The following FSTL5 variants were observed in gnomAD, a reference collection of about 807,000 sequenced individuals.
The protein encoded by FSTL5 is follistatin like 5.
FSTL5 carries 62 observed loss-of-function variants against 89.1 expected under a neutral mutation model. The observed-to-expected ratio is 0.70, with a 90% CI of 0.57 to 0.86. The LOEUF (loss-of-function observed/expected upper bound fraction) is 0.86. Ranked by LOEUF, FSTL5 falls within the 40% of genes least tolerant of loss-of-function variation. The pLI, the probability that FSTL5 is intolerant of heterozygous loss-of-function variation, is 0.00. For missense variants in FSTL5, 1,057 were observed against 1,001.6 expected (o/e 1.06, Z -0.75); for synonymous variants, 383 against 346.2 (o/e 1.11, Z -1.18).
intron 6 of FSTL5, among the ~76,000 whole-genome samples, chr4:161,695,738 T>C (rs1738135490): frequency 1.3e-5 from 2 of 152,246 alleles, no homozygotes; most frequent in South Asian, 2.1e-4. Context: ...TTTTTTCATA[T>C]GTTTGTTGGC....
At chr4:161,905,739 A>G (rs1733504093) in intron 4 of FSTL5, among the ~76,000 whole-genome samples, 1 of 152,112 alleles carries the variant, frequency 6.6e-6, no homozygotes, top group African/African-American at 2.4e-5. Context: ...TAAGCAGAAG[A>G]GAGGACAAAT....
At chr4:162,063,087 C>A (rs933216460) in intron 2 of FSTL5, among the ~76,000 whole-genome samples, 2 of 151,780 alleles carry the variant, frequency 1.3e-5, no homozygotes, top group Non-Finnish European at 3.0e-5. Flanking sequence ...TCTATTGTGA[C>A]ATCTTAACAT....
intron 1 of FSTL5, among the ~76,000 whole-genome samples, chr4:162,142,699 A>G (rs1561042595): frequency 1.3e-5 from 2 of 152,190 alleles, no homozygotes; most frequent in South Asian, 2.1e-4. Context: ...AAGATATAAT[A>G]TAGTTATTGA....
intron 15 of FSTL5, among the ~76,000 whole-genome samples, chr4:161,423,379 A>G (rs562078209): frequency 6.6e-6 from 1 of 150,472 alleles, no homozygotes; most frequent in African/African-American, 2.4e-5. Context: ...AAAAGTAACA[A>G]CTGACTGAGT....
chr4:162,044,180 T>C (rs1158296562), intron 2 of FSTL5, among the ~76,000 whole-genome samples: 2 of 152,184 alleles, frequency 1.3e-5, no homozygotes, highest in Non-Finnish European at 2.9e-5. Context: ...TTTTACAAAA[T>C]ATATTTCTAA....
At chr4:162,149,431 C>T (rs1212549886) in intron 1 of FSTL5, among the ~76,000 whole-genome samples, 1 of 151,486 alleles carries the variant, frequency 6.6e-6, no homozygotes, top group East Asian at 1.9e-4. Context: ...TCAAGAACAG[C>T]ATGGGCAACA....
intron 4 of FSTL5, among the ~76,000 whole-genome samples, chr4:161,876,414 C>T (rs1446555584): frequency 1.3e-5 from 2 of 152,100 alleles, no homozygotes; most frequent in Non-Finnish European, 2.9e-5. Flanking sequence ...GCACTGTATA[C>T]CTTTGTAACA....
At chr4:161,981,561 T>A (rs1360008027) in intron 3 of FSTL5, among the ~76,000 whole-genome samples, 1 of 152,142 alleles carries the variant, frequency 6.6e-6, no homozygotes, top group African/African-American at 2.4e-5. Flanking sequence ...TTCTCCCATA[T>A]TTTCCTCTTT....
chr4:161,599,776 T>G (rs1734159754), intron 7 of FSTL5, among the ~76,000 whole-genome samples: 1 of 152,138 alleles, frequency 6.6e-6, no homozygotes, highest in East Asian at 1.9e-4. Context: ...TGCTATAATT[T>G]CTTTTCTCTT....
intron 15 of FSTL5, among the ~76,000 whole-genome samples, chr4:161,440,420 A>G (rs1732720988): frequency 6.7e-6 from 1 of 148,840 alleles, no homozygotes; most frequent in Admixed American, 6.7e-5. Context: ...GCCGAAAAAG[A>G]AAAAAAAAAG....
At chr4:161,721,969 G>A (rs977413842) in intron 6 of FSTL5, among the ~76,000 whole-genome samples, 2 of 152,010 alleles carry the variant, frequency 1.3e-5, no homozygotes, top group African/African-American at 4.8e-5. Context: ...TGACACAAAG[G>A]CTATCTAGTG....
At chr4:162,065,278 T>C (rs964092044) in intron 2 of FSTL5, among the ~76,000 whole-genome samples, 5 of 151,820 alleles carry the variant, frequency 3.3e-5, no homozygotes, top group African/African-American at 1.2e-4. Context: ...ATATAATGGG[T>C]GAAAATATGT....
intron 4 of FSTL5, among the ~76,000 whole-genome samples, chr4:161,867,219 G>T (rs997557966): frequency 1.3e-5 from 2 of 151,738 alleles, no homozygotes; most frequent in Non-Finnish European, 2.9e-5. Context: ...TATTATATTT[G>T]CATGTTTACC....
Position 161,385,002 on chromosome 4 carries a change from A to G in FSTL5, c.*745T>C, listed in dbSNP as rs1730563410. ...GATTGAAAGCAAAATGAGTAGATAGATTGCAAATATTTTGACTGTAATTAT... is the reference window on the plus strand; with the variant it reads ...GATTGAAAGCAAAATGAGTAGATAGGTTGCAAATATTTTGACTGTAATTAT... On this transcript the variant is annotated 3_prime_UTR_variant, in exon 16 of 16. Coordinates refer to ENST00000306100, the MANE Select transcript of FSTL5 (RefSeq NM_020116.5). 1 of 152,146 alleles carries G rather than the reference A, an allele frequency of 6.6e-6. No individual in the cohort carries two copies. Among genetic ancestry groups the G allele is most frequent in the African/African-American group, 2.4e-5 (1 of 41,456 alleles). The allele number at this position is 152,146 out of a possible 1,614,324, so 9.4% of individuals were successfully genotyped here.
chr4:161,879,054 C>T (rs1732541306), intron 4 of FSTL5, among the ~76,000 whole-genome samples: 1 of 152,134 alleles, frequency 6.6e-6, no homozygotes, highest in African/African-American at 2.4e-5. Context: ...CTCCCAAAAG[C>T]AAACTATGTC....
At chr4:161,779,810 T>TAC (rs1741585587) in intron 4 of FSTL5, among the ~76,000 whole-genome samples, 9 of 81,660 alleles carry the variant, frequency 1.1e-4, no homozygotes, top group African/African-American at 2.1e-4. Flanking sequence ...TATATATATA[T>TAC]GTATATATAT....
chr4:161,620,000 C>T (rs889951755), intron 7 of FSTL5, among the ~76,000 whole-genome samples: 17 of 151,806 alleles, frequency 1.1e-4, no homozygotes, highest in South Asian at 6.2e-4. Flanking sequence ...CATGGAATAC[C>T]ATGCAGCCAT....
At chr4:162,077,974 T>C (rs1561006592) in intron 2 of FSTL5, among the ~76,000 whole-genome samples, 1 of 151,886 alleles carries the variant, frequency 6.6e-6, no homozygotes, top group African/African-American at 2.4e-5. Flanking sequence ...GTAATATCTT[T>C]ATAAAGGCAT....
rs1734138878 is a variant in FSTL5, at chr4:161,926,762, T to A, written c.161-6110A>T. On this transcript the variant is annotated intron_variant, in intron 3 of 15. Transcript: ENST00000306100. ...TAATTTTTCCTTTCTAAGTTCTATC[T>A]AAAGCGGTGATTTCTCTTATTATCT... Among the ~76,000 whole-genome samples the A allele has an allele frequency of 2.0e-5, 3 of 151,854 alleles. 1 individual carries two copies. In the South Asian group the frequency reaches 6.2e-4, roughly 31 times the overall value.
Sources: allele counts gnomAD v4.1 joint callset (sites outside exome capture counted in the v4.1 genomes callset), GRCh38; gene constraint gnomAD v4.1.1; transcripts MANE v1.5; gene names NCBI Gene and HGNC (gene_info 2026-07-23, HGNC 2026-07-21).